Variants in ST7 observed in about 807,000 individuals in gnomAD.
ST7 encodes suppressor of tumorigenicity 7 protein.
Under a neutral mutation model 78.7 loss-of-function variants are expected in ST7, and 28 were observed. That is an observed-to-expected ratio of 0.36 (90% CI 0.26 to 0.49). ST7 has a LOEUF of 0.49. ST7 is among the 20% of genes least tolerant of loss of function. The probability of loss-of-function intolerance (pLI) is 0.99; values close to 1 mark genes in which losing one functional copy is unlikely to be tolerated. For missense variants in ST7, 418 were observed against 696.0 expected (o/e 0.60, Z 4.49); for synonymous variants, 247 against 249.6 (o/e 0.99, Z 0.10).
intron 3 of ST7, 59 bp from the exon 4 acceptor site, chr7:117,129,734 A>G (rs1386472856): frequency 1.2e-5 from 16 of 1,319,080 alleles, no homozygotes; most frequent in Non-Finnish European, 1.7e-5. Context: ...TGCTGAATTA[A>G]TTAGCTTGTA....
chr7:117,133,511 A>AT (rs1804531943), intron 6 of ST7, among the ~76,000 whole-genome samples: 1 of 151,190 alleles, frequency 6.6e-6, no homozygotes, highest in African/African-American at 2.4e-5. Context: ...CTTTTTCTTT[A>AT]TTATCTACTG....
intron 1 of ST7, among the ~76,000 whole-genome samples, chr7:117,063,617 G>A (rs895819892): frequency 6.6e-6 from 1 of 152,160 alleles, no homozygotes; most frequent in Admixed American, 6.6e-5. Context: ...GCTGAAGTGG[G>A]AGGATCATCT....
rs534536680 is a variant in ST7 at position 117,033,807 on chromosome 7, T to C, written c.152-65955T>C. ...GTTTACATGCTCTGGAGTCAGTCAATAGACTGAAATGCTCATTCTACTAGC... is the reference window on the plus strand; with the variant it reads ...GTTTACATGCTCTGGAGTCAGTCAACAGACTGAAATGCTCATTCTACTAGC... On this transcript the variant is annotated intron_variant, in intron 1 of 15. Coordinates refer to ENST00000323984, the MANE Select transcript of ST7 (RefSeq NM_001369598.1). Among the ~76,000 whole-genome samples, 3 of 152,192 alleles carry C rather than the reference T, an allele frequency of 2.0e-5. No homozygotes were observed. In the South Asian group the frequency reaches 6.2e-4, roughly 32 times the overall value.
At chr7:116,962,788 T>G (rs768343936) in intron 1 of ST7, among the ~76,000 whole-genome samples, 1 of 152,118 alleles carries the variant, frequency 6.6e-6, no homozygotes, top group Non-Finnish European at 1.5e-5. Flanking sequence ...TCTTTAATTA[T>G]GTGACTCTGG....
intron 1 of ST7, among the ~76,000 whole-genome samples, chr7:117,001,200 C>T (rs750465340): frequency 3.0e-4 from 46 of 152,176 alleles, no homozygotes; most frequent in South Asian, 8.3e-4. Flanking sequence ...GTCTAATCAT[C>T]GTCAACTGAA....
At chr7:117,161,747 G>A (rs1425887024) in intron 9 of ST7, among the ~76,000 whole-genome samples, 2 of 151,542 alleles carry the variant, frequency 1.3e-5, no homozygotes, top group African/African-American at 2.4e-5. Flanking sequence ...TTACAGGTGT[G>A]AGCCATCACA....
chr7:117,083,813 A>G (rs983941956), intron 1 of ST7, among the ~76,000 whole-genome samples: 12 of 152,088 alleles, frequency 7.9e-5, no homozygotes, highest in African/African-American at 2.7e-4. Context: ...AAGCTAGGCC[A>G]GGTGCAGAGA....
chr7:116,964,716 AT>A (rs1243262521), intron 1 of ST7, among the ~76,000 whole-genome samples: 2 of 152,194 alleles, frequency 1.3e-5, no homozygotes, highest in Non-Finnish European at 2.9e-5. Context: ...TAAGGAAAGT[AT>A]TTTAAATTGT....
chr7:117,201,661 CAATCCT>C (rs1369104719), intron 12 of ST7, among the ~76,000 whole-genome samples: 1 of 151,820 alleles, frequency 6.6e-6, no homozygotes, highest in Non-Finnish European at 1.5e-5. Flanking sequence ...CAAGCTCAAG[CAATCCT>C]CCCACCTCAG....
intron 1 of ST7, among the ~76,000 whole-genome samples, chr7:117,008,370 G>A (rs1007882695): frequency 6.6e-6 from 1 of 152,168 alleles, no homozygotes; most frequent in Non-Finnish European, 1.5e-5. Flanking sequence ...TTGGTGAACA[G>A]GGTCAGATTT....
chr7:116,966,232 TTTTCTTTTTTC>T lies in ST7; in HGVS notation c.151+12552_151+12562del, dbSNP rs1271581375. ...ATTATTTCCGTAATATATGTTGCTT[TTTTCTTTTTTC>T]TTTCTTTTTTTTTTTTTTTTTTTTA... is the stretch of plus-strand genomic sequence containing the variant. On this transcript the variant is annotated intron_variant, in intron 1 of 15. Transcript: ENST00000323984. 26 of 280,800 alleles carry T rather than the reference TTTTCTTTTTTC, an allele frequency of 9.3e-5. No homozygotes were observed. In the East Asian group the frequency reaches 2.6e-3, roughly 28 times the overall value. The allele number at this position is 280,800 out of a possible 1,614,324, so 17.4% of individuals were successfully genotyped here.
At chr7:117,174,193 A>G (rs895997882) in intron 10 of ST7, among the ~76,000 whole-genome samples, 1 of 152,214 alleles carries the variant, frequency 6.6e-6, no homozygotes, top group East Asian at 1.9e-4. Context: ...TGCTATCCTC[A>G]GGATTTTTCA....
At chr7:117,138,287 G>A (rs1312960016) in intron 8 of ST7, 148 bp from the exon 9 acceptor site, 1 of 514,848 alleles carries the variant, frequency 1.9e-6, no homozygotes, top group Non-Finnish European at 3.5e-6. Context: ...TTGACCTTTG[G>A]GAGTCTAAGT....
intron 7 of ST7, 124 bp from the exon 8 acceptor site, chr7:117,135,957 G>T: frequency 8.6e-6 from 8 of 930,708 alleles, no homozygotes; most frequent in Non-Finnish European, 9.9e-6. Flanking sequence ...AAACAGGAGT[G>T]CATGAACCAG....
intron 1 of ST7, among the ~76,000 whole-genome samples, chr7:117,002,001 G>A (rs1006658714): frequency 3.3e-5 from 5 of 152,064 alleles, no homozygotes; most frequent in African/African-American, 7.2e-5. Context: ...TGAGGCGGAC[G>A]GATCACGAGG....
At position 117,190,730 on chromosome 7, in the gene ST7, T is replaced by G. The variant is rs1809696661; in HGVS notation, c.1152-104T>G. The stretch of plus-strand genomic sequence containing the variant: ...CAGTAGAAGTTTGGAGAGCTCATGC[T>G]ATTGGCTCACTGTGGTTTTATGGGC... On this transcript the variant is annotated intron_variant, in intron 11 of 15. Coordinates refer to ENST00000323984, the MANE Select transcript of ST7 (RefSeq NM_001369598.1). This position sits in a 1 kb window ranked among gnomAD's most constrained non-coding sequence, Gnocchi z 5.2. 1 of 850,570 alleles carries G rather than the reference T, an allele frequency of 1.2e-6. No individual in the cohort carries two copies. The highest frequency in any genetic ancestry group is 1.5e-5 in the South Asian group (1 of 65,366). The allele number at this position is 850,570 out of a possible 1,614,324, so 52.7% of individuals were successfully genotyped here. A position where few individuals can be genotyped will look rare whatever the true frequency, so the allele number is the denominator to read the frequency against.
chr7:117,178,612 A>G (rs931917204), intron 10 of ST7, among the ~76,000 whole-genome samples: 6 of 152,220 alleles, frequency 3.9e-5, no homozygotes, highest in Non-Finnish European at 8.8e-5. Flanking sequence ...TTTTAGATTC[A>G]TAGATATGAG....
chr7:117,218,902 G>C, intron 13 of ST7, 182 bp from the exon 14 acceptor site: 1 of 569,694 alleles, frequency 1.8e-6, no homozygotes, highest in Non-Finnish European at 3.1e-6. Flanking sequence ...TGAGATGAAT[G>C]TGTGAGTAAT....
chr7:117,159,325 G>A (rs898791194), intron 9 of ST7, among the ~76,000 whole-genome samples: 5 of 152,132 alleles, frequency 3.3e-5, no homozygotes, highest in African/African-American at 9.7e-5. Flanking sequence ...ATGTAAAATT[G>A]AAACTGAAAT....
Sources: gnomAD v4.1 joint callset for allele counts (sites outside exome capture counted in the v4.1 genomes callset) on GRCh38, gnomAD v4.1.1 for gene constraint, Gnocchi (gnomAD v3.1) non-coding constraint, MANE v1.5 for transcripts, NCBI Gene and HGNC (gene_info 2026-07-23, HGNC 2026-07-21) for gene names.